Variants in CNTNAP2 observed in about 807,000 individuals in gnomAD.
CNTNAP2 encodes the protein contactin associated protein 2.
Under a neutral mutation model 155.2 loss-of-function variants are expected in CNTNAP2, and 98 were observed. That is an observed-to-expected ratio of 0.63 (90% CI 0.54 to 0.75). CNTNAP2 has a LOEUF of 0.75. Among genes scored for constraint, CNTNAP2 ranks in the 30% least tolerant of loss-of-function variants. The pLI, the probability that CNTNAP2 is intolerant of heterozygous loss-of-function variation, is 0.00. For missense variants in CNTNAP2, 1,727 were observed against 1,688.1 expected (o/e 1.02, Z -0.40); for synonymous variants, 651 against 631.2 (o/e 1.03, Z -0.47).
chr7:146,452,544 C>G (rs1191367581), intron 1 of CNTNAP2, among the ~76,000 whole-genome samples: 2 of 152,110 alleles, frequency 1.3e-5, no homozygotes, highest in East Asian at 3.9e-4. Context: ...ATATTTTTGT[C>G]TAATTCTCTT....
At chr7:146,499,803 A>T (rs1797274094) in intron 1 of CNTNAP2, among the ~76,000 whole-genome samples, 1 of 152,178 alleles carries the variant, frequency 6.6e-6, no homozygotes, top group Non-Finnish European at 1.5e-5. Context: ...TATCAATTTG[A>T]GGAGTATTGC....
chr7:147,284,041 G>A (rs1805117182), intron 8 of CNTNAP2, among the ~76,000 whole-genome samples: 2 of 151,242 alleles, frequency 1.3e-5, no homozygotes, highest in Admixed American at 1.3e-4. Flanking sequence ...CATCTCTGTA[G>A]GTGTTCCATG....
intron 9 of CNTNAP2, among the ~76,000 whole-genome samples, chr7:147,382,163 G>A (rs569193401): frequency 6.6e-6 from 1 of 151,888 alleles, no homozygotes; most frequent in South Asian, 2.1e-4. Flanking sequence ...ATCATTAGAG[G>A]GAAAAAAAAG....
intron 1 of CNTNAP2, among the ~76,000 whole-genome samples, chr7:146,753,001 G>A (rs1801932213): frequency 6.6e-6 from 1 of 152,146 alleles, no homozygotes; most frequent in South Asian, 2.1e-4. Context: ...TTAGAGCCAA[G>A]GGTTGAGGCA....
At chr7:147,392,313 C>CT (rs5888251) in intron 9 of CNTNAP2, among the ~76,000 whole-genome samples, 9,774 of 145,464 alleles carry the variant, frequency 0.067, 478 homozygotes, top group East Asian at 0.3. Context: ...GTATCAAATT[C>CT]TTTTTTTTTT....
chr7:146,119,599 G>A (rs1797534213), intron 1 of CNTNAP2, among the ~76,000 whole-genome samples: 1 of 152,076 alleles, frequency 6.6e-6, no homozygotes, highest in Non-Finnish European at 1.5e-5. Context: ...TTCACTCTTA[G>A]GGAGTTGCAT....
At chr7:148,095,456 A>G (rs1217363884) in intron 15 of CNTNAP2, among the ~76,000 whole-genome samples, 6 of 152,250 alleles carry the variant, frequency 3.9e-5, no homozygotes, top group Admixed American at 2.0e-4. Flanking sequence ...GCTTCTAATA[A>G]GCAGTCTGAG....
At chr7:146,272,291 A>G (rs1800094646) in intron 1 of CNTNAP2, among the ~76,000 whole-genome samples, 1 of 152,106 alleles carries the variant, frequency 6.6e-6, no homozygotes, top group African/African-American at 2.4e-5. Context: ...TGAGAACAGG[A>G]GCATGGAGGT....
Position 146,204,105 on chromosome 7 carries a change from T to G in CNTNAP2, c.97+87132T>G, listed in dbSNP as rs2116872682. ...CTTTCAGCTAAATAAAATATATCCA[T>G]GGGGAAAATTCTTGTAAAACTTTGT... is the stretch of plus-strand genomic sequence containing the variant. On this transcript the variant is annotated intron_variant, in intron 1 of 23. Coordinates refer to ENST00000361727, the MANE Select transcript of CNTNAP2 (RefSeq NM_014141.6). 2.0e-5 allele frequency among the ~76,000 whole-genome samples: 3 copies of G among 152,282 alleles called. No homozygotes were observed. The South Asian group carries it at 6.2e-4, about 32-fold the overall frequency.
At chr7:146,520,864 T>C (rs971364535) in intron 1 of CNTNAP2, among the ~76,000 whole-genome samples, 2 of 152,020 alleles carry the variant, frequency 1.3e-5, no homozygotes, top group Admixed American at 6.6e-5. Flanking sequence ...ATGTAAAAAG[T>C]AGACAATGCT....
At chr7:147,668,605 A>T (rs961687598) in intron 13 of CNTNAP2, among the ~76,000 whole-genome samples, 2 of 152,230 alleles carry the variant, frequency 1.3e-5, no homozygotes, top group African/African-American at 4.8e-5. Flanking sequence ...AAAAAAGTTT[A>T]AAAAGTAAAA....
At chr7:148,097,352 A>C (rs1803995037) in intron 15 of CNTNAP2, among the ~76,000 whole-genome samples, 1 of 150,464 alleles carries the variant, frequency 6.6e-6, no homozygotes, top group African/African-American at 2.4e-5. Context: ...AAAAAAAAAA[A>C]AAAAAAAAAA....
At chr7:146,863,980 A>T (rs535672032) in intron 3 of CNTNAP2, among the ~76,000 whole-genome samples, 11 of 152,076 alleles carry the variant, frequency 7.2e-5, no homozygotes, top group Admixed American at 7.2e-4. Flanking sequence ...TTAAAGGTAT[A>T]GTTGTTTTCT....
intron 1 of CNTNAP2, among the ~76,000 whole-genome samples, chr7:146,609,370 A>G (rs1278859848): frequency 6.6e-6 from 1 of 152,222 alleles, no homozygotes; most frequent in East Asian, 1.9e-4. Context: ...ATAGGATTTT[A>G]TATTTTTCTT....
chr7:146,740,392 C>T (rs1361531327), intron 1 of CNTNAP2, among the ~76,000 whole-genome samples: 8 of 150,602 alleles, frequency 5.3e-5, no homozygotes, highest in East Asian at 2.0e-4. Context: ...TGAAGTTCTC[C>T]GAGCTTCTTT....
intron 13 of CNTNAP2, among the ~76,000 whole-genome samples, chr7:147,836,428 G>C (rs1394545322): frequency 6.6e-6 from 1 of 151,544 alleles, no homozygotes; most frequent in Non-Finnish European, 1.5e-5. Flanking sequence ...GCTTCTATGT[G>C]CTCCTCCTTT....
intron 13 of CNTNAP2, among the ~76,000 whole-genome samples, chr7:147,733,672 G>C (rs999674606): frequency 2.0e-5 from 3 of 152,106 alleles, no homozygotes; most frequent in Non-Finnish European, 2.9e-5. Flanking sequence ...TCTTCCATTT[G>C]TTTGTATCCT....
intron 16 of CNTNAP2, among the ~76,000 whole-genome samples, chr7:148,145,437 G>A (rs1484404951): frequency 3.3e-5 from 5 of 152,208 alleles, no homozygotes; most frequent in Admixed American, 3.3e-4. Flanking sequence ...CATCATAGCA[G>A]TAGGAGAATC....
intron 21 of CNTNAP2, among the ~76,000 whole-genome samples, chr7:148,383,207 TA>T (rs1554427397): frequency 1.4e-5 from 2 of 148,092 alleles, no homozygotes; most frequent in Admixed American, 6.7e-5. Context: ...TTTTTTTTTT[TA>T]AAGAATTCTG....
Sources: gnomAD v4.1 joint callset for allele counts (sites outside exome capture counted in the v4.1 genomes callset) on GRCh38, gnomAD v4.1.1 for gene constraint, MANE v1.5 for transcripts, NCBI Gene and HGNC (gene_info 2026-07-23, HGNC 2026-07-21) for gene names.